The following CYTH1 variants were observed in gnomAD, a reference collection of about 807,000 sequenced individuals.
CYTH1 encodes the protein cytohesin 1.
Under a neutral mutation model 61.8 loss-of-function variants are expected in CYTH1, and 18 were observed. That is an observed-to-expected ratio of 0.29 (90% confidence interval 0.20 to 0.43). The LOEUF (loss-of-function observed/expected upper bound fraction) is 0.43. Among genes scored for constraint, CYTH1 ranks in the 20% least tolerant of loss-of-function variants. The probability of loss-of-function intolerance (pLI) is 1.00; values close to 1 mark genes in which losing one functional copy is unlikely to be tolerated. For synonymous variants in CYTH1, 174 were observed against 184.3 expected, an observed-to-expected ratio of 0.94 and a Z score of 0.45; for missense variants, 336 against 510.5, an observed-to-expected ratio of 0.66 and a Z score of 3.29.
At chr17:78,726,606 C>T (rs1028650808) in intron 1 of CYTH1, among the ~76,000 whole-genome samples, 21 of 152,144 alleles carry the variant, frequency 1.4e-4, no homozygotes, top group African/African-American at 4.3e-4. Context: ...CGGTTCCACG[C>T]GAGAGCCTGG....
At chr17:78,781,439 C>G (rs187457331) in intron 1 of CYTH1, among the ~76,000 whole-genome samples, 2 of 152,352 alleles carry the variant, frequency 1.3e-5, no homozygotes, top group Admixed American at 6.5e-5. Context: ...CGCGCGGGAG[C>G]GAAGGGAGCG....
chr17:78,711,701 T>A (rs1424014279), intron 1 of CYTH1, among the ~76,000 whole-genome samples: 1 of 150,950 alleles, frequency 6.6e-6, no homozygotes, highest in African/African-American at 2.5e-5. Flanking sequence ...AAAAGCCGAC[T>A]TTTCCTTTTT....
chr17:78,746,644 G>C (rs1486498835), intron 1 of CYTH1, among the ~76,000 whole-genome samples: 1 of 152,136 alleles, frequency 6.6e-6, no homozygotes, highest in Non-Finnish European at 1.5e-5. Flanking sequence ...TTACTCATCA[G>C]AGTAATAATT....
chr17:78,734,694 C>G (rs1035133679), intron 1 of CYTH1, among the ~76,000 whole-genome samples: 3 of 152,012 alleles, frequency 2.0e-5, no homozygotes, highest in Non-Finnish European at 4.4e-5. Flanking sequence ...CCTGCCTGGG[C>G]CTCCCAAAGT....
chr17:78,687,934 G>A (rs774466387), intron 11 of CYTH1, among the ~76,000 whole-genome samples: 7 of 152,178 alleles, frequency 4.6e-5, no homozygotes, highest in Non-Finnish European at 7.3e-5. Flanking sequence ...TTTAGAGAGC[G>A]TCTCACTCTG....
intron 1 of CYTH1, among the ~76,000 whole-genome samples, chr17:78,756,810 G>C (rs1442513768): frequency 4.6e-5 from 7 of 150,976 alleles, no homozygotes; most frequent in Admixed American, 4.6e-4. Context: ...CTCGGTGACA[G>C]AGCAAGATCT....
intron 1 of CYTH1, among the ~76,000 whole-genome samples, chr17:78,715,351 G>C (rs2093172072): frequency 6.6e-6 from 1 of 152,146 alleles, no homozygotes; most frequent in African/African-American, 2.4e-5. Context: ...GATACATAAG[G>C]ATCAGAAAGT....
chr17:78,774,632 T>C (rs1482464213), intron 1 of CYTH1, among the ~76,000 whole-genome samples: 1 of 152,132 alleles, frequency 6.6e-6, no homozygotes, highest in Non-Finnish European at 1.5e-5. Flanking sequence ...GGCAAATCTT[T>C]CTTAAATGCA....
chr17:78,737,139 T>A (rs2093323906), intron 1 of CYTH1, among the ~76,000 whole-genome samples: 1 of 152,220 alleles, frequency 6.6e-6, no homozygotes, highest in Non-Finnish European at 1.5e-5. Flanking sequence ...TCAAGTACAG[T>A]TGTCCCTTGG....
Position 78,713,231 on chromosome 17 carries a change from T to A in CYTH1, c.23-3499A>T, listed in dbSNP as rs374678127. The stretch of plus-strand genomic sequence containing the variant: ...CTACAGAAACGCATGTTTAAAGCAG[T>A]TCACTCTGATTTTTCTGTGCTTCAC... On this transcript the variant is annotated intron_variant, in intron 1 of 13. Transcript: ENST00000446868. Among the ~76,000 whole-genome samples the A allele has an allele frequency of 7.2e-5, 11 of 152,132 alleles. 4 individuals are homozygous for A. Among genetic ancestry groups the A allele is most frequent in the East Asian group, 1.9e-4 (1 of 5,168 alleles).
chr17:78,678,571 T>A (rs2092725470), intron 13 of CYTH1: 1 of 152,208 alleles, frequency 6.6e-6, no homozygotes, highest in South Asian at 2.1e-4. Flanking sequence ...TCAATAAATT[T>A]TTTTTTCAGT....
At chr17:78,706,220 A>C (rs2093064085) in intron 3 of CYTH1, among the ~76,000 whole-genome samples, 1 of 152,148 alleles carries the variant, frequency 6.6e-6, no homozygotes, top group Non-Finnish European at 1.5e-5. Context: ...ATACCCTTGA[A>C]GCACCACTCA....
chr17:78,702,712 G>C (rs2093024869), intron 3 of CYTH1, 108 bp from the exon 4 acceptor site: 2 of 1,220,076 alleles, frequency 1.6e-6, no homozygotes, highest in Admixed American at 1.9e-5. Context: ...GATTTATCCA[G>C]GAAAGCAACA....
In CYTH1 at chr17:78,712,184, GGAGAGAGAGAAA is replaced by G. The variant is rs891939794; in HGVS notation, c.23-2464_23-2453del. 1.4e-4 allele frequency among the ~76,000 whole-genome samples: 21 copies of G among 146,570 alleles called. 4 individuals are homozygous for G. Among genetic ancestry groups the G allele is most frequent in the South Asian group, 8.8e-4 (4 of 4,560 alleles). ...AGGGAGGGAGGGAGGGAGGGAGGTA[GGAGAGAGAGAAA>G]GAGAGAGAGAAAGAGAAAGAAAAAG... On this transcript the variant is annotated intron_variant, in intron 1 of 13. Transcript: ENST00000446868.
chr17:78,767,847 T>A (rs1173439171), intron 1 of CYTH1, among the ~76,000 whole-genome samples: 1 of 152,144 alleles, frequency 6.6e-6, no homozygotes, highest in Non-Finnish European at 1.5e-5. Flanking sequence ...CACTTGAAAA[T>A]GCCAGAATGC....
At chr17:78,686,209 C>T (rs575915921) in intron 11 of CYTH1, among the ~76,000 whole-genome samples, 1 of 152,104 alleles carries the variant, frequency 6.6e-6, no homozygotes, top group Non-Finnish European at 1.5e-5. Flanking sequence ...TTGGCTCAAG[C>T]GTTTAAGACA....
intron 1 of CYTH1, among the ~76,000 whole-genome samples, chr17:78,779,272 T>C (rs2093506307): frequency 6.6e-6 from 1 of 151,924 alleles, no homozygotes; most frequent in Admixed American, 6.6e-5. Context: ...TGGTGGCGCA[T>C]GCCTGTAATC....
In CYTH1 at chr17:78,739,113, A is replaced by G. The variant is rs1032478968; in HGVS notation, c.23-29381T>C. Among the ~76,000 whole-genome samples, 21 of 152,354 alleles carry G rather than the reference A, an allele frequency of 1.4e-4. No homozygotes were observed. The East Asian group carries it at 1.7e-3, about 13-fold the overall frequency. ...CCTCTTTCATGAATTGCTTTTTCAA[A>G]GCCTTTGCCCACCTTTCTATTGCTT... On this transcript the variant is annotated intron_variant, in intron 1 of 13. Coordinates refer to ENST00000446868, the MANE Select transcript of CYTH1 (RefSeq NM_004762.6).
At chr17:78,718,886 C>A (rs1034482746) in intron 1 of CYTH1, among the ~76,000 whole-genome samples, 1 of 152,244 alleles carries the variant, frequency 6.6e-6, no homozygotes, top group Non-Finnish European at 1.5e-5. Context: ...TCATCTTCCT[C>A]TTTTGCTTCT....
Sources: allele counts gnomAD v4.1 joint callset (sites outside exome capture counted in the v4.1 genomes callset), GRCh38; gene constraint gnomAD v4.1.1; transcripts MANE v1.5; gene names NCBI Gene and HGNC (gene_info 2026-07-23, HGNC 2026-07-21).